Variants in MFSD12 observed in about 807,000 individuals in gnomAD.
MFSD12 encodes major facilitator superfamily domain-containing protein 12.
Under a neutral mutation model 51.2 loss-of-function variants are expected in MFSD12, and 67 were observed. The observed-to-expected ratio is 1.31, with a 90% CI of 1.08 to 1.60. MFSD12 has a LOEUF of 1.60. MFSD12 is among the 40% of genes most tolerant of loss of function. The pLI is 0.00. For missense variants in MFSD12, 921 were observed against 673.0 expected (o/e 1.37, Z -4.08); for synonymous variants, 441 against 316.7 (o/e 1.39, Z -4.17).
chr19:3,544,025 G>A, downstream of MFSD12: 2 of 1,523,316 alleles, frequency 1.3e-6, no homozygotes, highest in Non-Finnish European at 1.8e-6. Flanking sequence ...ATGCTACCAG[G>A]ATGCACCCAC....
At chr19:3,553,599 TCTA>T (rs1481946630) in intron 1 of MFSD12, among the ~76,000 whole-genome samples, 1 of 150,580 alleles carries the variant, frequency 6.6e-6, no homozygotes, top group African/African-American at 2.4e-5. Flanking sequence ...AAACCCTGTC[TCTA>T]CTAAAAATGC....
At chr19:3,539,231 C>G (rs764017711), downstream of MFSD12, 2 of 1,550,690 alleles carry the variant, frequency 1.3e-6, no homozygotes, top group Non-Finnish European at 1.7e-6. Context: ...CGGGGACCCT[C>G]GAGGCCAGCT....
At chr19:3,546,572 C>T in intron 6 of MFSD12, 147 bp from the exon 7 acceptor site, 1 of 943,298 alleles carries the variant, frequency 1.1e-6, no homozygotes, top group Non-Finnish European at 1.6e-6. Context: ...CTGGACACAA[C>T]ACCGAGGCTC....
intron 1 of MFSD12, 107 bp downstream of exon 1, chr19:3,556,999 C>G: frequency 8.8e-7 from 1 of 1,135,528 alleles, no homozygotes; most frequent in Non-Finnish European, 1.2e-6. Flanking sequence ...GGGGAGACTC[C>G]GATCCTGAGG....
rs377453722 is a variant in MFSD12, at chr19:3,551,124, G to T, written c.369C>A (p.Pro123=). 1.9e-5 allele frequency: 30 copies of T among 1,612,862 alleles called. No individual in the cohort carries two copies. The Admixed American group carries it at 4.8e-4, about 26-fold the overall frequency. The change falls in exon 2 of 10, where the codon CCC becomes CCA. Residue 123 remains proline (P), a synonymous_variant. Transcript: ENST00000355415. This position sits in a 1 kb window ranked among gnomAD's most constrained non-coding sequence, Gnocchi z 4.6. ...CGTAGTAGAGGAGGGCAGCCCACTCGGGCGTGGCCGCCCCACAGCCCAGGC... is the reference window on the plus strand; with the variant it reads ...CGTAGTAGAGGAGGGCAGCCCACTCTGGCGTGGCCGCCCCACAGCCCAGGC... ...SPCLGCGAAT[P]EWAALLYYGP...
At chr19:3,547,240 G>T in intron 6 of MFSD12, 32 bp downstream of exon 6, 1 of 1,587,072 alleles carries the variant, frequency 6.3e-7, no homozygotes, top group Non-Finnish European at 8.6e-7. Flanking sequence ...CCCATCCTCC[G>T]CCCCAGCTGT....
downstream of MFSD12, chr19:3,542,769 C>G (rs371628370): frequency 1.6e-3 from 2,155 of 1,361,570 alleles, 7 homozygotes; most frequent in Non-Finnish European, 1.8e-3. Flanking sequence ...AAGCGTGAGC[C>G]ACACACCTGG....
Position 3,547,473 on chromosome 19 carries a change from G to C in MFSD12, c.912C>G (p.Tyr304Ter). ...TGCTCACCTTGGGCAGGTGGAGCGA[G>C]TAGGTGAGGTACATGGCCATGTAGG... ...SQTYMAMYLT[Y>*]SLHLPKKFIA... The change falls in exon 5 of 10, where the codon TAC becomes TAG. Residue 304 changes from tyrosine to a stop codon, truncating the protein, a stop_gained. Coordinates refer to ENST00000355415, the MANE Select transcript of MFSD12 (RefSeq NM_174983.5). LOFTEE classifies it high-confidence loss of function. 6.2e-7 allele frequency: 1 copy of C among 1,613,196 alleles called. No homozygotes were observed. The highest frequency in any genetic ancestry group is 8.5e-7 in the Non-Finnish European group (1 of 1,179,972).
chr19:3,539,183 A>G lies in MFSD12; in HGVS notation c.*6-427T>C, dbSNP rs1370890421. 4 of 1,550,110 alleles carry G rather than the reference A, an allele frequency of 2.6e-6. No individual in the cohort carries two copies. The East Asian group carries it at 7.3e-5, about 28-fold the overall frequency. ...CCCGGGGGATCCAGGCAGACATGCAAACCCTCAGGCAAGAGGCTGCACGGC... is the reference window on the plus strand; with the variant it reads ...CCCGGGGGATCCAGGCAGACATGCAGACCCTCAGGCAAGAGGCTGCACGGC... On this transcript the variant is annotated intron_variant, in intron 4 of 4. Transcript: ENST00000398558.
chr19:3,552,458 G>C (rs903860376), intron 1 of MFSD12, among the ~76,000 whole-genome samples: 1 of 123,582 alleles, frequency 8.1e-6, no homozygotes, highest in Non-Finnish European at 1.6e-5. Context: ...GTGAGCCACC[G>C]CGCCCCGCCT....
At chr19:3,545,177 T>G in intron 8 of MFSD12, among the ~76,000 whole-genome samples, 1 of 152,116 alleles carries the variant, frequency 6.6e-6, no homozygotes, top group East Asian at 1.9e-4. Flanking sequence ...CTCCTCATGG[T>G]CCAGCCCCAG....
intron 1 of MFSD12, 46 bp downstream of exon 1, chr19:3,557,060 A>G: frequency 1.5e-6 from 2 of 1,356,346 alleles, no homozygotes; most frequent in Non-Finnish European, 1.9e-6. Context: ...CGGGTCGCGG[A>G]GTCTCGGAGG....
chr19:3,546,460 C>G (rs1487736162), intron 6 of MFSD12, 35 bp from the exon 7 acceptor site: 6 of 1,575,092 alleles, frequency 3.8e-6, no homozygotes, highest in Non-Finnish European at 4.3e-6. Context: ...GCCCACACCA[C>G]TGGGTGCCCC....
At chr19:3,542,414 G>A, downstream of MFSD12, 4 of 985,404 alleles carry the variant, frequency 4.1e-6, no homozygotes, top group Non-Finnish European at 4.8e-6. Context: ...TGTTTTCTGG[G>A]ATGACTTCCT....
In MFSD12 at chr19:3,547,879, TTCCAGAGCAGCAGGGGCTGGGCCG is replaced by T. The variant is rs751926128; in HGVS notation, c.782_805del (p.Thr261_Trp268del). ...GAAAGCCGGCTCCCGGAGCCAGTGC[TTCCAGAGCAGCAGGGGCTGGGCCG>T]TGGCAGGGGCCAACAGGGGGGTGTG... On this transcript the variant is annotated inframe_deletion, in exon 4 of 10. Transcript: ENST00000355415. The T allele has an allele frequency of 1.2e-5, 19 of 1,543,706 alleles. No homozygotes were observed. Among genetic ancestry groups the T allele is most frequent in the Non-Finnish European group, 1.5e-5 (17 of 1,153,184 alleles).
At chr19:3,552,370 G>A (rs983614595) in intron 1 of MFSD12, among the ~76,000 whole-genome samples, 14 of 151,246 alleles carry the variant, frequency 9.3e-5, no homozygotes, top group African/African-American at 3.2e-4. Context: ...GTTTCACCAC[G>A]TTGGCCAGGC....
intron 8 of MFSD12, among the ~76,000 whole-genome samples, chr19:3,545,529 G>T (rs998159360): frequency 6.6e-6 from 1 of 152,330 alleles, no homozygotes; most frequent in South Asian, 2.1e-4. Context: ...CTGACATCCT[G>T]CAGGTGTCAG....
downstream of MFSD12, chr19:3,542,781 C>T (rs376276740): frequency 1.9e-4 from 261 of 1,366,872 alleles, 1 homozygote; most frequent in African/African-American, 3.2e-3. Context: ...CACACCTGGC[C>T]TAGTGGGTCC....
At chr19:3,541,684 A>G (rs2030430128), downstream of MFSD12, 8 of 985,274 alleles carry the variant, frequency 8.1e-6, no homozygotes, top group Middle Eastern at 5.2e-4. Flanking sequence ...GCAAGTGTGT[A>G]ATAACGGGGG....
Sources: gnomAD v4.1 joint callset for allele counts (sites outside exome capture counted in the v4.1 genomes callset) on GRCh38, gnomAD v4.1.1 for gene constraint, Gnocchi (gnomAD v3.1) non-coding constraint, MANE v1.5 for transcripts, NCBI Gene and HGNC (gene_info 2026-07-23, HGNC 2026-07-21) for gene names.